CCNYL1: variants seen among roughly 807,000 people sequenced by gnomAD.
CCNYL1 encodes cyclin-Y-like protein 1.
Under a neutral mutation model 44.2 loss-of-function variants are expected in CCNYL1, and 16 were observed. That is an observed-to-expected ratio of 0.36 (90% CI 0.25 to 0.55). CCNYL1 has a LOEUF of 0.55. CCNYL1 is among the 20% of genes least tolerant of loss of function. The pLI, the probability that CCNYL1 is intolerant of heterozygous loss-of-function variation, is 0.85. For synonymous variants in CCNYL1, 159 were observed against 163.2 expected, an observed-to-expected ratio of 0.97 and a Z score of 0.20; for missense variants, 348 against 451.8, an observed-to-expected ratio of 0.77 and a Z score of 2.08.
intron 1 of CCNYL1, among the ~76,000 whole-genome samples, chr2:207,716,691 C>A (rs1027388475): frequency 2.6e-5 from 4 of 152,192 alleles, no homozygotes; most frequent in African/African-American, 9.6e-5. Flanking sequence ...TACACAGTCT[C>A]ATTACATTTG....
At chr2:207,714,525 TAAATATACCCATC>T in intron 1 of CCNYL1, 1 of 290,300 alleles carries the variant, frequency 3.4e-6, no homozygotes, top group South Asian at 3.0e-5. Context: ...CAAAATGGCC[TAAATATACCCATC>T]AAATAAACAG....
At chr2:207,751,582 C>T (rs1039667041) in intron 9 of CCNYL1, among the ~76,000 whole-genome samples, 2 of 152,002 alleles carry the variant, frequency 1.3e-5, no homozygotes, top group African/African-American at 4.8e-5. Flanking sequence ...AGGCCGGGCG[C>T]GGTGGCTTAC....
At chr2:207,735,636 C>T (rs991809200) in intron 4 of CCNYL1, among the ~76,000 whole-genome samples, 7 of 152,120 alleles carry the variant, frequency 4.6e-5, no homozygotes, top group South Asian at 2.1e-4. Flanking sequence ...GAGGCCAAGG[C>T]GGGTAGATTG....
chr2:207,733,179 A>G (rs1183343546), intron 3 of CCNYL1, among the ~76,000 whole-genome samples: 1 of 152,240 alleles, frequency 6.6e-6, no homozygotes, highest in African/African-American at 2.4e-5. Context: ...CAGGCAGAGC[A>G]GCATGAGTGA....
At chr2:207,718,709 G>T (rs2091616606) in intron 1 of CCNYL1, among the ~76,000 whole-genome samples, 2 of 152,188 alleles carry the variant, frequency 1.3e-5, no homozygotes, top group Admixed American at 6.5e-5. Context: ...GCGAAGAGTT[G>T]CATTCGTGTA....
rs551537346 is a variant in CCNYL1 at position 207,753,755 on chromosome 2, A to C, written c.*57A>C. On this transcript the variant is annotated 3_prime_UTR_variant, in exon 10 of 10. Transcript: ENST00000295414. ...ACCTTCATCTACAAAGACTGGAGAA[A>C]TACCACCTTTCCTGCTCAAAAACCA... 1 of 1,106,532 alleles carries C rather than the reference A, an allele frequency of 9.0e-7. No homozygotes were observed. Among genetic ancestry groups the C allele is most frequent in the African/African-American group, 1.6e-5 (1 of 63,864 alleles). 68.5% of individuals were successfully genotyped at this position (1,106,532 alleles called of 1,614,324 possible). A position where few individuals can be genotyped will look rare whatever the true frequency, so the allele number is the denominator to read the frequency against.
At chr2:207,716,985 T>C (rs1262838341) in intron 1 of CCNYL1, among the ~76,000 whole-genome samples, 1 of 151,816 alleles carries the variant, frequency 6.6e-6, no homozygotes, top group Non-Finnish European at 1.5e-5. Context: ...GGCGGGCGCC[T>C]GTAGTCCCAG....
chr2:207,735,162 T>C (rs2091755561), intron 4 of CCNYL1, among the ~76,000 whole-genome samples: 1 of 152,246 alleles, frequency 6.6e-6, no homozygotes, highest in Non-Finnish European at 1.5e-5. Context: ...AGATGTCTAC[T>C]TTTGGAAGTA....
intron 9 of CCNYL1, among the ~76,000 whole-genome samples, chr2:207,753,354 A>G (rs2091908449): frequency 6.6e-6 from 1 of 152,210 alleles, no homozygotes; most frequent in Admixed American, 6.5e-5. Flanking sequence ...TAATAATATA[A>G]TAAATTCCCC....
intron 3 of CCNYL1, among the ~76,000 whole-genome samples, chr2:207,732,066 T>C (rs2091732867): frequency 6.6e-6 from 1 of 152,196 alleles, no homozygotes; most frequent in African/African-American, 2.4e-5. Context: ...CGCCTTGGCC[T>C]TCCAAAGTGC....
intron 1 of CCNYL1, among the ~76,000 whole-genome samples, chr2:207,716,149 T>A (rs1222747829): frequency 3.3e-5 from 5 of 152,190 alleles, no homozygotes; most frequent in Non-Finnish European, 7.3e-5. Context: ...TACTCTTGAC[T>A]TTTCATGGAG....
chr2:207,733,551 A>G (rs978239919), intron 3 of CCNYL1, among the ~76,000 whole-genome samples: 1 of 152,226 alleles, frequency 6.6e-6, no homozygotes, highest in Non-Finnish European at 1.5e-5. Flanking sequence ...CTTCAATAAA[A>G]TGCTCTTATG....
chr2:207,730,622 G>C (rs2091719279), intron 3 of CCNYL1, among the ~76,000 whole-genome samples: 1 of 152,122 alleles, frequency 6.6e-6, no homozygotes, highest in Admixed American at 6.5e-5. Context: ...GCCGGGTGTG[G>C]TGGTGCACAC....
At chr2:207,735,355 T>TA (rs1182375407) in intron 4 of CCNYL1, among the ~76,000 whole-genome samples, 3 of 152,206 alleles carry the variant, frequency 2.0e-5, no homozygotes, top group South Asian at 2.1e-4. Context: ...CAGAATCACT[T>TA]ACGCAACTTT....
At position 207,754,040 on chromosome 2, in the gene CCNYL1, T is replaced by G. The variant is rs1467593922; in HGVS notation, c.*342T>G. 1 of 180,158 alleles carries G rather than the reference T, an allele frequency of 5.6e-6. No homozygotes were observed. The highest frequency in any genetic ancestry group is 2.4e-5 in the African/African-American group (1 of 42,540). 11.2% of individuals were successfully genotyped at this position (180,158 alleles called of 1,614,324 possible). ...AACAATAGTTTAAATTTTTAGACTT[T>G]AAAGACACTAACCATATAACTTTTA... On this transcript the variant is annotated 3_prime_UTR_variant, in exon 10 of 10. Transcript: ENST00000295414.
chr2:207,742,194 T>C, intron 6 of CCNYL1, 29 bp from the exon 7 acceptor site: 1 of 1,576,158 alleles, frequency 6.3e-7, no homozygotes, highest in Non-Finnish European at 8.6e-7. Context: ...CTTCAGTGGA[T>C]ACTAACATTG....
At position 207,755,864 on chromosome 2, in the gene CCNYL1, T is replaced by A. The variant is rs1050879998; in HGVS notation, c.*2166T>A. 8 of 152,202 alleles carry A rather than the reference T, an allele frequency of 5.3e-5. No homozygotes were observed. Among genetic ancestry groups the A allele is most frequent in the South Asian group, 2.1e-4 (1 of 4,836 alleles). 9.4% of individuals were successfully genotyped at this position (152,202 alleles called of 1,614,324 possible). On this transcript the variant is annotated 3_prime_UTR_variant, in exon 10 of 10. Transcript: ENST00000295414. ...AATCTGTTTCTCCTACTTTCTCAAATCTAATCCTAGGAATCTTGCTTATAA... is the reference window on the plus strand; with the variant it reads ...AATCTGTTTCTCCTACTTTCTCAAAACTAATCCTAGGAATCTTGCTTATAA...
At chr2:207,725,024 T>G in intron 2 of CCNYL1, 150 bp downstream of exon 2, 1 of 616,664 alleles carries the variant, frequency 1.6e-6, no homozygotes, top group Non-Finnish European at 2.8e-6. Context: ...GTGATATACT[T>G]TCCTTTAGTT....
Position 207,724,813 on chromosome 2 carries a change from G to A in CCNYL1, c.234G>A (p.Glu78=), listed in dbSNP as rs754672700. The A allele has an allele frequency of 1.9e-6, 3 of 1,613,444 alleles. No individual in the cohort carries two copies. The South Asian group carries it at 3.3e-5, about 18-fold the overall frequency. The change falls in exon 2 of 10, where the codon GAG becomes GAA. Residue 78 remains glutamate, a synonymous_variant. Coordinates refer to ENST00000295414, the MANE Select transcript of CCNYL1 (RefSeq NM_001330218.2). ...CCTCTTCTATAGATTTAGCTTTGGA[G>A]TCAAACCCTTCTGACCATCCAAGGG... The part of the protein sequence containing the change: ...DREMPEDLAL[E]SNPSDHPRAS...
Sources: allele counts gnomAD v4.1 joint callset (sites outside exome capture counted in the v4.1 genomes callset), GRCh38; gene constraint gnomAD v4.1.1; transcripts MANE v1.5; gene names NCBI Gene and HGNC (gene_info 2026-07-23, HGNC 2026-07-21).